NAALADL2: variants seen among roughly 807,000 people sequenced by gnomAD.
NAALADL2 encodes the protein inactive N-acetylated-alpha-linked acidic dipeptidase-like protein 2.
A neutral mutation model predicts 87.2 loss-of-function variants in NAALADL2; 76 were observed. That is an observed-to-expected ratio of 0.87 (90% confidence interval 0.72 to 1.05). The LOEUF (loss-of-function observed/expected upper bound fraction) is 1.05, where lower values mean the gene tolerates loss of function less well. NAALADL2 is among the 50% of genes least tolerant of loss of function. NAALADL2 has a pLI of 0.00. For synonymous variants in NAALADL2, 354 were observed against 331.0 expected (o/e 1.07, Z -0.75); for missense variants, 1,089 against 945.8 (o/e 1.15, Z -1.99).
At chr3:175,450,677 T>G (rs2149234115) in intron 6 of NAALADL2, among the ~76,000 whole-genome samples, 1 of 130,282 alleles carries the variant, frequency 7.7e-6, no homozygotes, top group South Asian at 2.9e-4. Flanking sequence ...GTTGATGTAG[T>G]CTGTCAATAG....
intron 11 of NAALADL2, among the ~76,000 whole-genome samples, chr3:175,635,834 G>A (rs9834763): frequency 0.02 from 2,968 of 152,154 alleles, 81 homozygotes; most frequent in African/African-American, 0.066. Context: ...AATACTGAAT[G>A]CATAACAGAA....
intron 1 of NAALADL2, among the ~76,000 whole-genome samples, chr3:174,938,496 G>A (rs1309651924): frequency 1.3e-5 from 2 of 152,062 alleles, no homozygotes; most frequent in Non-Finnish European, 2.9e-5. Context: ...TCGTGTGCCT[G>A]TGTCTGTATG....
chr3:174,883,823 C>T (rs1278891782), intron 1 of NAALADL2, among the ~76,000 whole-genome samples: 1 of 152,116 alleles, frequency 6.6e-6, no homozygotes, highest in Non-Finnish European at 1.5e-5. Context: ...CTTTTGTAGT[C>T]CTGTCTGGAT....
At position 174,757,676 on chromosome 3, in the gene NAALADL2, AT is replaced by A. The variant is rs1179404563; in HGVS notation, c.-9+19939del. Among the ~76,000 whole-genome samples, 8 of 149,578 alleles carry A rather than the reference AT, an allele frequency of 5.3e-5. No individual in the cohort carries two copies. The South Asian group carries it at 1.5e-3, about 28-fold the overall frequency. On this transcript the variant is annotated intron_variant, in intron 3 of 3. Transcript: ENST00000434257. ...CCAGCTAATTTTTGTATTTTATTTT[AT>A]TTTTTTTTGTAGAGACAGGGTTTCA...
chr3:175,128,756 T>G (rs186058592), intron 2 of NAALADL2, among the ~76,000 whole-genome samples: 23 of 152,258 alleles, frequency 1.5e-4, no homozygotes, highest in Admixed American at 4.6e-4. Flanking sequence ...TCAGAGGATG[T>G]TAGAACTAGA....
At chr3:175,118,656 C>T (rs1399292272) in intron 2 of NAALADL2, among the ~76,000 whole-genome samples, 1 of 151,678 alleles carries the variant, frequency 6.6e-6, no homozygotes, top group Non-Finnish European at 1.5e-5. Context: ...GTTTCTAATG[C>T]ATTTTTAAAA....
At position 175,573,981 on chromosome 3, in the gene NAALADL2, C is replaced by T. The variant is rs1171455924; in HGVS notation, c.1654-2060C>T. Reference sequence around the variant, plus strand: ...GTCTGTAAACTGAAACCCTGACTTGCTTGTAAAGGTTCATACTGGCTTTCC... The same window carrying T: ...GTCTGTAAACTGAAACCCTGACTTGTTTGTAAAGGTTCATACTGGCTTTCC... On this transcript the variant is annotated intron_variant, in intron 9 of 13. Coordinates refer to ENST00000454872, the MANE Select transcript of NAALADL2 (RefSeq NM_207015.3). Among the ~76,000 whole-genome samples, 51 of 152,160 alleles carry T rather than the reference C, an allele frequency of 3.4e-4. 1 individual carries two copies. Among genetic ancestry groups the T allele is most frequent in the Non-Finnish European group, 7.3e-5 (5 of 68,028 alleles).
intron 2 of NAALADL2, among the ~76,000 whole-genome samples, chr3:175,229,177 A>G (rs965983920): frequency 5.9e-5 from 9 of 151,936 alleles, no homozygotes; most frequent in African/African-American, 1.9e-4. Context: ...ATATTTCTTT[A>G]AATATTTTCT....
intron 1 of NAALADL2, among the ~76,000 whole-genome samples, chr3:174,525,984 A>C (rs1720710466): frequency 6.6e-6 from 1 of 152,216 alleles, no homozygotes; most frequent in Non-Finnish European, 1.5e-5. Flanking sequence ...AAAACTAGCT[A>C]GTAAGTAGTG....
Position 175,553,758 on chromosome 3 carries a change from A to G in NAALADL2, c.1654-22283A>G, listed in dbSNP as rs114486499. On this transcript the variant is annotated intron_variant, in intron 9 of 13. Coordinates refer to ENST00000454872, the MANE Select transcript of NAALADL2 (RefSeq NM_207015.3). ...GATAATATAAATTTTCCATGTAGTT[A>G]TTTTTAAATATATTTATTTTTTCTT... 8.6e-3 allele frequency among the ~76,000 whole-genome samples: 1,303 copies of G among 151,742 alleles called. 24 individuals carry two copies. Among genetic ancestry groups the G allele is most frequent in the African/African-American group, 0.03 (1,239 of 41,468 alleles).
At chr3:175,282,775 CT>C (rs1469347847) in intron 4 of NAALADL2, among the ~76,000 whole-genome samples, 1 of 152,192 alleles carries the variant, frequency 6.6e-6, no homozygotes, top group East Asian at 1.9e-4. Flanking sequence ...GTTCTGCAAT[CT>C]TGTTTCCTTT....
At chr3:174,895,504 TC>T (rs902716955) in intron 1 of NAALADL2, among the ~76,000 whole-genome samples, 2 of 152,086 alleles carry the variant, frequency 1.3e-5, no homozygotes, top group Admixed American at 6.6e-5. Context: ...CTGAACAGAC[TC>T]ATAACAAGTA....
intron 1 of NAALADL2, among the ~76,000 whole-genome samples, chr3:174,913,372 C>A (rs1447292938): frequency 6.6e-6 from 1 of 152,124 alleles, no homozygotes; most frequent in Non-Finnish European, 1.5e-5. Flanking sequence ...GGCTTCAAGA[C>A]AGATGGTTCA....
At chr3:174,627,578 A>G (rs940916996) in intron 2 of NAALADL2, among the ~76,000 whole-genome samples, 3 of 152,204 alleles carry the variant, frequency 2.0e-5, no homozygotes, top group Non-Finnish European at 4.4e-5. Flanking sequence ...CAATCCCACT[A>G]CTGCATGTTG....
intron 1 of NAALADL2, among the ~76,000 whole-genome samples, chr3:174,979,304 C>CTTTTTTTTTTTTTTTTTTTTTTTTTTT (rs5854604): frequency 9.5e-6 from 1 of 105,220 alleles, no homozygotes; most frequent in Non-Finnish European, 1.8e-5. Flanking sequence ...TCTTTCTTTT[C>CTTTTTTTTTTTTTTTTTTTTTTTTTTT]TTTTTTTTTT....
At chr3:174,866,618 G>C (rs996081554) in intron 1 of NAALADL2, among the ~76,000 whole-genome samples, 41 of 151,748 alleles carry the variant, frequency 2.7e-4, no homozygotes, top group African/African-American at 8.9e-4. Flanking sequence ...TAGGTGTTTT[G>C]CATTTATTTT....
At chr3:175,499,523 T>G (rs1235684428) in intron 9 of NAALADL2, among the ~76,000 whole-genome samples, 2 of 152,096 alleles carry the variant, frequency 1.3e-5, no homozygotes, top group Admixed American at 1.3e-4. Context: ...TTCCTGTTTT[T>G]AACTTCTGAG....
chr3:175,803,905 C>T lies in NAALADL2; in HGVS notation c.*702C>T, dbSNP rs940652210. 2 of 152,232 alleles carry T rather than the reference C, an allele frequency of 1.3e-5. No individual in the cohort carries two copies. The highest frequency in any genetic ancestry group is 4.8e-5 in the African/African-American group (2 of 41,360). 9.4% of individuals were successfully genotyped at this position (152,232 alleles called of 1,614,324 possible). A position where few individuals can be genotyped will look rare whatever the true frequency, so the allele number is the denominator to read the frequency against. ...CTTACAAGGTGACTAGCTTTGAAAC[C>T]CCTAATTTGCCTCAGTTGATTTTCT... On this transcript the variant is annotated 3_prime_UTR_variant, in exon 14 of 14. Transcript: ENST00000454872.
chr3:175,239,145 C>T (rs1281353121), intron 3 of NAALADL2, among the ~76,000 whole-genome samples: 1 of 152,106 alleles, frequency 6.6e-6, no homozygotes, highest in Admixed American at 6.6e-5. Flanking sequence ...TCATCGTGCA[C>T]TAGAAAGGTG....
Sources: gnomAD v4.1 joint callset for allele counts (sites outside exome capture counted in the v4.1 genomes callset) on GRCh38, gnomAD v4.1.1 for gene constraint, MANE v1.5 for transcripts, NCBI Gene and HGNC (gene_info 2026-07-23, HGNC 2026-07-21) for gene names.